LGSN: variants seen among roughly 807,000 people sequenced by gnomAD.
The protein encoded by LGSN is lengsin, lens protein with glutamine synthetase domain, also known as lengsin.
LGSN carries 21 observed loss-of-function variants against 19.5 expected under a neutral mutation model. That is an observed-to-expected ratio of 1.07 (90% CI 0.76 to 1.55). The LOEUF (loss-of-function observed/expected upper bound fraction) is 1.55, where lower values mean the gene tolerates loss of function less well. LGSN is among the 40% of genes most tolerant of loss of function. LGSN has a pLI of 0.00. For missense variants in LGSN, 673 were observed against 608.5 expected, an observed-to-expected ratio of 1.11 and a Z score of -1.12; for synonymous variants, 257 against 215.6, an observed-to-expected ratio of 1.19 and a Z score of -1.68.
At chr6:63,432,173 A>AAAGAAAGAAAGAAAGAAAG in the LGSN span, among the ~76,000 whole-genome samples, 3 of 29,552 alleles carry the variant, frequency 1.0e-4, no homozygotes, top group African/African-American at 5.1e-4. Context: ...AAGAAAGAAA[A>AAAGAAAGAAAGAAAGAAAG]GGAAAGAAAG....
the LGSN span, chr6:63,481,789 T>C: frequency 3.3e-6 from 1 of 305,860 alleles, no homozygotes; most frequent in Non-Finnish European, 6.4e-6. Flanking sequence ...ATGTTGAAGA[T>C]GATAAAGTTG....
chr6:63,337,433 C>T, the LGSN span, among the ~76,000 whole-genome samples: 368 of 151,774 alleles, frequency 2.4e-3, 1 homozygote, highest in African/African-American at 8.5e-3. Context: ...GCCAAGATAG[C>T]GCCACTGCAC....
chr6:63,285,589 GA>G lies in LGSN; in HGVS notation c.327del (p.Gln110LysfsTer4). The G allele has an allele frequency of 6.2e-7, 1 of 1,611,690 alleles. No homozygotes were observed. The highest frequency in any genetic ancestry group is 1.7e-5 in the Admixed American group (1 of 59,880). ...SRSKTIPAHF[F>X]QEKVSHGVCM... Reference sequence around the variant, plus strand: ...AGTCACAACTGTGTAAAACTCACTTGAAAAAAGTGTGCAGGGATAGTCTTAG... The same window carrying G: ...AGTCACAACTGTGTAAAACTCACTTGAAAAAGTGTGCAGGGATAGTCTTAG... On this transcript the variant is annotated frameshift_variant, in exon 3 of 4. Coordinates refer to ENST00000370657, the MANE Select transcript of LGSN (RefSeq NM_016571.3). LOFTEE classifies it low-confidence loss of function (END_TRUNC).
the LGSN span, among the ~76,000 whole-genome samples, chr6:63,534,485 A>C: frequency 6.7e-6 from 1 of 149,552 alleles, no homozygotes; most frequent in Admixed American, 6.7e-5. Flanking sequence ...ACACACACAC[A>C]CCTCTAAAAC....
chr6:63,563,534 G>T, the LGSN span, among the ~76,000 whole-genome samples: 1 of 152,210 alleles, frequency 6.6e-6, no homozygotes, highest in Non-Finnish European at 1.5e-5. Context: ...CAGCCATTCT[G>T]TTGACCTCCT....
chr6:63,480,088 GTTCC>G, the LGSN span: 22 of 171,076 alleles, frequency 1.3e-4, no homozygotes, highest in African/African-American at 5.2e-4. Context: ...CACAACCTGT[GTTCC>G]TTCCTTTTGC....
chr6:63,525,214 T>C, the LGSN span, among the ~76,000 whole-genome samples: 1 of 152,162 alleles, frequency 6.6e-6, no homozygotes, highest in East Asian at 1.9e-4. Flanking sequence ...TCCTGGTGAA[T>C]TGTGTGTCTG....
rs79741917 is a variant in LGSN, at chr6:63,285,685, G to T, written c.232C>A (p.Gln78Lys). 16 of 1,613,824 alleles carry T rather than the reference G, an allele frequency of 9.9e-6. No individual in the cohort carries two copies. The highest frequency in any genetic ancestry group is 5.3e-5 in the African/African-American group (4 of 74,896). The change falls in exon 3 of 4, where the codon CAA (glutamine) becomes AAA (lysine). Residue 78 changes from glutamine to lysine, a missense_variant. By Grantham distance (53) the Gln-to-Lys change is moderately conservative. Coordinates refer to ENST00000370657, the MANE Select transcript of LGSN (RefSeq NM_016571.3). Reference protein sequence around the residue: ...QLSSRMKHIRQAMAKNRLQFV... With the variant: ...QLSSRMKHIRKAMAKNRLQFV... ...TGGAGGCGATTTTTGGCCATGGCTT[G>T]TCTAATGTGTTTCATTCTAGAAGAG...
the LGSN span, among the ~76,000 whole-genome samples, chr6:63,499,679 A>G: frequency 6.6e-6 from 1 of 152,042 alleles, no homozygotes; most frequent in Non-Finnish European, 1.5e-5. Flanking sequence ...TACATCACCT[A>G]TGGAACACCT....
the LGSN span, among the ~76,000 whole-genome samples, chr6:63,494,111 G>A: frequency 2.6e-5 from 4 of 151,840 alleles, no homozygotes; most frequent in Non-Finnish European, 5.9e-5. Context: ...CACCGTGTCC[G>A]GCTAATTTTT....
chr6:63,316,321 C>T (rs1768860817), intron 1 of LGSN, among the ~76,000 whole-genome samples: 2 of 152,100 alleles, frequency 1.3e-5, no homozygotes, highest in Non-Finnish European at 2.9e-5. Flanking sequence ...CTATGAGTCT[C>T]GTTTTTATTT....
the LGSN span, among the ~76,000 whole-genome samples, chr6:63,378,025 C>A: frequency 5.7e-5 from 7 of 122,056 alleles, no homozygotes; most frequent in Non-Finnish European, 1.0e-4. Flanking sequence ...AAGATTAAAC[C>A]AGATTTTTGA....
the LGSN span, among the ~76,000 whole-genome samples, chr6:63,407,481 G>C: frequency 6.6e-6 from 1 of 152,012 alleles, no homozygotes; most frequent in African/African-American, 2.4e-5. Context: ...ATTCAACAGC[G>C]CTTCATGCTA....
At chr6:63,532,875 A>G in the LGSN span, among the ~76,000 whole-genome samples, 1 of 152,216 alleles carries the variant, frequency 6.6e-6, no homozygotes, top group Non-Finnish European at 1.5e-5. Flanking sequence ...TACACTGATC[A>G]AATTATATCT....
chr6:63,304,667 C>A (rs1768311443), intron 1 of LGSN, among the ~76,000 whole-genome samples: 1 of 152,320 alleles, frequency 6.6e-6, no homozygotes, highest in African/African-American at 2.4e-5. Context: ...AAGGAGCATA[C>A]TCCAAATTCT....
chr6:63,336,591 A>C, the LGSN span, among the ~76,000 whole-genome samples: 1 of 149,652 alleles, frequency 6.7e-6, no homozygotes, highest in African/African-American at 2.5e-5. Flanking sequence ...AAAATTATAA[A>C]GTTCCTATGT....
chr6:63,469,350 C>A, the LGSN span, among the ~76,000 whole-genome samples: 3 of 152,092 alleles, frequency 2.0e-5, no homozygotes, highest in African/African-American at 7.2e-5. Flanking sequence ...AGTAATCAGG[C>A]AGGAAATGTT....
the LGSN span, among the ~76,000 whole-genome samples, chr6:63,476,749 AG>A: frequency 3.0e-4 from 46 of 152,360 alleles, no homozygotes; most frequent in African/African-American, 1.1e-3. Context: ...CAGCCTTGGA[AG>A]TCACTCAGTG....
At chr6:63,558,107 T>A in the LGSN span, among the ~76,000 whole-genome samples, 1 of 152,074 alleles carries the variant, frequency 6.6e-6, no homozygotes, top group Non-Finnish European at 1.5e-5. Flanking sequence ...CCTGACCTTG[T>A]GATCCACCCA....
Sources: gnomAD v4.1 joint callset for allele counts (sites outside exome capture counted in the v4.1 genomes callset) on GRCh38, gnomAD v4.1.1 for gene constraint, MANE v1.5 for transcripts, NCBI Gene and HGNC (gene_info 2026-07-23, HGNC 2026-07-21) for gene names.